EXOC2: variants seen among roughly 807,000 people sequenced by gnomAD.
The protein encoded by EXOC2 is exocyst complex component 2.
EXOC2 carries 70 observed loss-of-function variants against 131.8 expected under a neutral mutation model. That is an observed-to-expected ratio of 0.53 (90% CI 0.44 to 0.65). The LOEUF (loss-of-function observed/expected upper bound fraction) is 0.65, where lower values mean the gene tolerates loss of function less well. EXOC2 is among the 30% of genes least tolerant of loss of function. The pLI, the probability that EXOC2 is intolerant of heterozygous loss-of-function variation, is 0.00. For synonymous variants in EXOC2, 411 were observed against 398.4 expected, an observed-to-expected ratio of 1.03 and a Z score of -0.38; for missense variants, 923 against 1,108.6, an observed-to-expected ratio of 0.83 and a Z score of 2.38.
chr6:499,430 A>AAC (rs5873755), intron 24 of EXOC2, among the ~76,000 whole-genome samples: 19,921 of 141,520 alleles, frequency 0.14, 1,399 homozygotes, highest in Admixed American at 0.22. Context: ...CTCACAGTTA[A>AAC]ACACACACAC....
chr6:572,842 C>T (rs867095849), intron 12 of EXOC2, among the ~76,000 whole-genome samples, 198 bp from the exon 13 acceptor site: 3 of 152,230 alleles, frequency 2.0e-5, no homozygotes, highest in Non-Finnish European at 2.9e-5. Context: ...CCGCATTTCT[C>T]CTTGCCCTCT....
intron 13 of EXOC2, among the ~76,000 whole-genome samples, chr6:567,607 AT>A (rs1255010939): frequency 2.0e-5 from 3 of 152,174 alleles, no homozygotes; most frequent in African/African-American, 7.2e-5. Context: ...ACATGCATGC[AT>A]TTATATGCAT....
chr6:660,592 G>A (rs1429652748), intron 1 of EXOC2, among the ~76,000 whole-genome samples: 1 of 152,226 alleles, frequency 6.6e-6, no homozygotes, highest in African/African-American at 2.4e-5. Flanking sequence ...ACATCCACAG[G>A]AAGATGGGGA....
intron 2 of EXOC2, among the ~76,000 whole-genome samples, chr6:635,967 G>A (rs1762081953): frequency 1.3e-5 from 2 of 152,266 alleles, no homozygotes; most frequent in Admixed American, 1.3e-4. Context: ...GGAGGCTGAG[G>A]CAGGAGAATC....
At chr6:619,684 G>A (rs1761188687) in intron 4 of EXOC2, 141 bp from the exon 5 acceptor site, 3 of 548,718 alleles carry the variant, frequency 5.5e-6, no homozygotes, top group Non-Finnish European at 9.8e-6. Flanking sequence ...CCCAGAACAT[G>A]TTTGTATATA....
chr6:591,261 C>A (rs1304252461), intron 11 of EXOC2, among the ~76,000 whole-genome samples: 1 of 152,142 alleles, frequency 6.6e-6, no homozygotes, highest in Non-Finnish European at 1.5e-5. Flanking sequence ...TGTCTTCCCC[C>A]AATCCATTGA....
intron 13 of EXOC2, 94 bp downstream of exon 13, chr6:572,426 C>G: frequency 2.1e-6 from 3 of 1,454,864 alleles, no homozygotes; most frequent in Non-Finnish European, 1.8e-6. Context: ...GATGTTGGGC[C>G]TCTACATTTT....
intron 6 of EXOC2, among the ~76,000 whole-genome samples, chr6:612,216 T>C (rs1026555818): frequency 1.3e-5 from 2 of 152,230 alleles, no homozygotes; most frequent in Non-Finnish European, 1.5e-5. Flanking sequence ...TTAGGCTTTG[T>C]GGGCCACATA....
rs9392067 is a variant in EXOC2 at position 541,039 on chromosome 6, C to T, written c.2238+8136G>A. Reference sequence around the variant, plus strand: ...ATGTGGTATCCAAAACGTAAGGACACGATCTTTTCAACCGAGGTAGGGTTT... The same window carrying T: ...ATGTGGTATCCAAAACGTAAGGACATGATCTTTTCAACCGAGGTAGGGTTT... On this transcript the variant is annotated intron_variant, in intron 22 of 27. Transcript: ENST00000230449. Among the ~76,000 whole-genome samples, 2,525 of 152,268 alleles carry T rather than the reference C, an allele frequency of 0.017. 264 individuals are homozygous for T. In the East Asian group the frequency reaches 0.31, roughly 19 times the overall value.
At chr6:614,854 T>G (rs995603798) in intron 6 of EXOC2, among the ~76,000 whole-genome samples, 1 of 152,186 alleles carries the variant, frequency 6.6e-6, no homozygotes, top group East Asian at 1.9e-4. Context: ...AACTTAAATA[T>G]ATATTAAGAA....
chr6:517,153 G>C (rs913797289), intron 23 of EXOC2, among the ~76,000 whole-genome samples: 1 of 152,154 alleles, frequency 6.6e-6, no homozygotes, highest in Non-Finnish European at 1.5e-5. Context: ...CAGAGACACA[G>C]TGTGGAAAGA....
rs772973258 is a variant in EXOC2, at chr6:486,627, T to C, written c.*44A>G. 20 of 1,507,446 alleles carry C rather than the reference T, an allele frequency of 1.3e-5. No individual in the cohort carries two copies. Among genetic ancestry groups the C allele is most frequent in the Non-Finnish European group, 1.8e-5 (20 of 1,082,948 alleles). The allele number at this position is 1,507,446 out of a possible 1,614,324, so 93.4% of individuals were successfully genotyped here. A position where few individuals can be genotyped will look rare whatever the true frequency, so the allele number is the denominator to read the frequency against. On this transcript the variant is annotated 3_prime_UTR_variant, in exon 28 of 28. Coordinates refer to ENST00000230449, the MANE Select transcript of EXOC2 (RefSeq NM_018303.6). ...TAGGGTACTTAGAGAGTGAACAGTC[T>C]TATTACGTGTTATTTTCCTGGACTT...
intron 22 of EXOC2, among the ~76,000 whole-genome samples, chr6:544,707 G>C (rs1016794182): frequency 6.6e-6 from 1 of 152,142 alleles, no homozygotes; most frequent in Admixed American, 6.5e-5. Flanking sequence ...AATCAAACAT[G>C]TAAAATACAG....
At chr6:681,624 T>C (rs1265168532) in intron 1 of EXOC2, among the ~76,000 whole-genome samples, 1 of 152,248 alleles carries the variant, frequency 6.6e-6, no homozygotes, top group Non-Finnish European at 1.5e-5. Context: ...TCATTTAAGC[T>C]TGATTTTTCC....
chr6:493,958 G>A (rs1487452541), intron 25 of EXOC2, among the ~76,000 whole-genome samples: 1 of 152,194 alleles, frequency 6.6e-6, no homozygotes, highest in Admixed American at 6.5e-5. Context: ...GATTACGGAG[G>A]TAATGTGTAG....
chr6:527,761 C>A lies in EXOC2; in HGVS notation c.2380+4708G>T, dbSNP rs73380978. On this transcript the variant is annotated intron_variant, in intron 23 of 27. Transcript: ENST00000230449. Reference sequence around the variant, plus strand: ...ATAATTAGTATAAGCACATTTGAATCAAAAATAAGTTCACTATTTACCTAT... The same window carrying A: ...ATAATTAGTATAAGCACATTTGAATAAAAAATAAGTTCACTATTTACCTAT... Among the ~76,000 whole-genome samples, 616 of 152,118 alleles carry A rather than the reference C, an allele frequency of 4.0e-3. 4 individuals are homozygous for A. The highest frequency in any genetic ancestry group is 0.014 in the African/African-American group (594 of 41,476).
chr6:534,210 C>T (rs1323066915), intron 22 of EXOC2, among the ~76,000 whole-genome samples: 2 of 151,826 alleles, frequency 1.3e-5, no homozygotes, highest in Non-Finnish European at 2.9e-5. Context: ...CTCTAACATG[C>T]AAAAAATAGA....
chr6:501,834 T>C (rs1388724003), intron 23 of EXOC2, among the ~76,000 whole-genome samples: 1 of 150,874 alleles, frequency 6.6e-6, no homozygotes, highest in Non-Finnish European at 1.5e-5. Context: ...AATTAATGGA[T>C]TCTTCCTGAG....
intron 1 of EXOC2, among the ~76,000 whole-genome samples, chr6:692,222 A>T (rs577991015): frequency 6.6e-6 from 1 of 152,250 alleles, no homozygotes; most frequent in Non-Finnish European, 1.5e-5. Context: ...CAGACTTAAA[A>T]TTTCTCAGAC....
Sources: gnomAD v4.1 joint callset for allele counts (sites outside exome capture counted in the v4.1 genomes callset) on GRCh38, gnomAD v4.1.1 for gene constraint, MANE v1.5 for transcripts, NCBI Gene and HGNC (gene_info 2026-07-23, HGNC 2026-07-21) for gene names.